Variants in SOS1 observed in about 807,000 individuals in gnomAD.
The protein encoded by SOS1 is son of sevenless homolog 1.
Under a neutral mutation model 157.6 loss-of-function variants are expected in SOS1, and 25 were observed. The ratio of observed to expected loss-of-function variants is 0.16; its 90% CI spans 0.12 to 0.22. The LOEUF (loss-of-function observed/expected upper bound fraction) is 0.22. Among genes scored for constraint, SOS1 ranks in the 10% least tolerant of loss-of-function variants. The pLI is 1.00. For missense variants in SOS1, 1,237 were observed against 1,599.1 expected (o/e 0.77, Z 3.86); for synonymous variants, 528 against 534.0 (o/e 0.99, Z 0.16).
rs1671634981 is a variant in SOS1 at position 39,067,616 on chromosome 2, C to A, written c.213+12G>T. 4 of 1,610,984 alleles carry A rather than the reference C, an allele frequency of 2.5e-6. No individual in the cohort carries two copies. In the South Asian group the frequency reaches 3.3e-5, roughly 13 times the overall value. ...TAGATATAAAGTAAATACAAGACAACATTTGTCATACCTCTACATCTGAAG... is the reference window on the plus strand; with the variant it reads ...TAGATATAAAGTAAATACAAGACAAAATTTGTCATACCTCTACATCTGAAG... On this transcript the variant is annotated intron_variant, in intron 2 of 22. Transcript: ENST00000402219.
At position 39,065,892 on chromosome 2, in the gene SOS1, A is replaced by G. The variant is rs562233014; in HGVS notation, c.213+1736T>C. ...GGAGCTTACATTCTAGTAGGGAAAA[A>G]ACTAATACCATCTTGATGGGATTAT... On this transcript the variant is annotated intron_variant, in intron 2 of 22. Coordinates refer to ENST00000402219, the MANE Select transcript of SOS1 (RefSeq NM_005633.4). 5.7e-4 allele frequency among the ~76,000 whole-genome samples: 87 copies of G among 152,316 alleles called. 1 individual carries two copies. Among genetic ancestry groups the G allele is most frequent in the African/African-American group, 2.0e-3 (85 of 41,564 alleles).
intron 6 of SOS1, among the ~76,000 whole-genome samples, chr2:39,042,826 A>G (rs1024467821): frequency 1.3e-5 from 2 of 150,972 alleles, no homozygotes; most frequent in African/African-American, 4.9e-5. Context: ...AAAATATTAT[A>G]TATTCAATGG....
In SOS1 at chr2:39,005,442, T is replaced by TTGTCC. The variant is rs1669253264; in HGVS notation, c.2791+965_2791+969dup. On this transcript the variant is annotated intron_variant, in intron 17 of 22. Transcript: ENST00000402219. ...ATCACAGGGTAATGGTTAAAACAAA[T>TTGTCC]TGTCCAACTTTATGGAATATTATGC... 2.6e-5 allele frequency among the ~76,000 whole-genome samples: 4 copies of TTGTCC among 152,270 alleles called. No individual in the cohort carries two copies. In the South Asian group the frequency reaches 8.3e-4, roughly 32 times the overall value.
intron 2 of SOS1, 143 bp downstream of exon 2, chr2:39,067,485 C>T: frequency 1.3e-6 from 1 of 789,442 alleles, no homozygotes; most frequent in South Asian, 1.4e-5. Flanking sequence ...ATAAGGGATA[C>T]TCAACCTGTA....
At chr2:39,045,140 A>G (rs1449807353) in intron 6 of SOS1, among the ~76,000 whole-genome samples, 1 of 151,954 alleles carries the variant, frequency 6.6e-6, no homozygotes, top group Non-Finnish European at 1.5e-5. Context: ...AATTATGCTT[A>G]TTTTTCCCCA....
chr2:39,062,428 A>AT lies in SOS1; in HGVS notation c.214-3625_214-3624insA, dbSNP rs1446751193. On this transcript the variant is annotated intron_variant, in intron 2 of 22. Coordinates refer to ENST00000402219, the MANE Select transcript of SOS1 (RefSeq NM_005633.4). ...GGGAGTCTCTGTCTCAAAATAAAAA[A>AT]AAAAATTAAAAAAAAAAAGAAAAGA... 2.2e-3 allele frequency among the ~76,000 whole-genome samples: 321 copies of AT among 145,684 alleles called. 2 individuals are homozygous for AT. Among genetic ancestry groups the AT allele is most frequent in the Middle Eastern group, 0.014 (4 of 290 alleles).
intron 1 of SOS1, among the ~76,000 whole-genome samples, chr2:39,100,867 C>A (rs995239112): frequency 5.3e-5 from 8 of 151,968 alleles, no homozygotes; most frequent in Non-Finnish European, 1.2e-4. Context: ...TGCAGTGAGC[C>A]GAGACTGCAC....
chr2:39,085,502 C>T (rs1672339733), intron 1 of SOS1, among the ~76,000 whole-genome samples: 1 of 152,232 alleles, frequency 6.6e-6, no homozygotes, highest in Admixed American at 6.5e-5. Context: ...TGTCTTTCTA[C>T]TATCTTCACC....
chr2:39,111,212 G>C (rs771534348), intron 1 of SOS1, among the ~76,000 whole-genome samples: 1 of 152,114 alleles, frequency 6.6e-6, no homozygotes, highest in Non-Finnish European at 1.5e-5. Flanking sequence ...CAGCCTGGGA[G>C]ACAGAGCAAG....
In SOS1 at chr2:39,120,402, G is replaced by C. The variant is rs727504845; in HGVS notation, c.21C>G (p.Pro7=). The C allele has an allele frequency of 1.3e-6, 2 of 1,598,578 alleles. No homozygotes were observed. Among genetic ancestry groups the C allele is most frequent in the East Asian group, 2.3e-5 (1 of 43,528 alleles). Residue 7 remains proline (P), a synonymous_variant, in exon 1 of 23, where the codon CCC becomes CCG. Transcript: ENST00000402219. ...CGTTCTCTTCGCTGAAAAACTCGTA[G>C]GGCAGCTGCTGCGCCTGCATGGTGC... The part of the protein sequence containing the change: MQAQQL[P]YEFFSEENAP...
At chr2:39,080,951 T>C (rs1045616918) in intron 1 of SOS1, among the ~76,000 whole-genome samples, 2 of 152,074 alleles carry the variant, frequency 1.3e-5, no homozygotes, top group African/African-American at 4.8e-5. Flanking sequence ...TTTGGAAGGC[T>C]GAGGCAGGTG....
At chr2:39,036,309 G>GGTT (rs1240494931) in intron 6 of SOS1, among the ~76,000 whole-genome samples, 1 of 152,060 alleles carries the variant, frequency 6.6e-6, no homozygotes, top group East Asian at 1.9e-4. Context: ...AACAACGAAA[G>GGTT]GTTGTTATGA....
chr2:39,072,696 A>G (rs1431552721), intron 1 of SOS1, among the ~76,000 whole-genome samples: 1 of 152,196 alleles, frequency 6.6e-6, no homozygotes, highest in East Asian at 1.9e-4. Flanking sequence ...CCAAATAAGA[A>G]CTATTAAATA....
chr2:39,106,695 C>G (rs1201862288), intron 1 of SOS1, among the ~76,000 whole-genome samples: 1 of 152,018 alleles, frequency 6.6e-6, no homozygotes, highest in Admixed American at 6.6e-5. Flanking sequence ...ACTCCCAACT[C>G]CAACAGGAAG....
Position 39,007,145 on chromosome 2 carries a change from A to G in SOS1, c.2559T>C (p.Ser853=), listed in dbSNP as rs1669306595. 1 of 1,605,850 alleles carries G rather than the reference A, an allele frequency of 6.2e-7. No homozygotes were observed. Among genetic ancestry groups the G allele is most frequent in the Admixed American group, 1.7e-5 (1 of 59,970 alleles). Residue 853 remains serine (S), a synonymous_variant, in exon 16 of 23, where the codon AGT becomes AGC. Coordinates refer to ENST00000402219, the MANE Select transcript of SOS1 (RefSeq NM_005633.4). The part of the protein sequence containing the change: ...ENLEERVAVV[S]RIIEILQVFQ... ...AGACTTGTAGAATCTCAATAATTCG[A>G]CTCACCACAGCTACTCTTTCTTCTA... is the stretch of plus-strand genomic sequence containing the variant.
At chr2:39,048,472 C>G (rs1670877079) in intron 6 of SOS1, among the ~76,000 whole-genome samples, 2 of 152,032 alleles carry the variant, frequency 1.3e-5, no homozygotes, top group African/African-American at 4.8e-5. Flanking sequence ...ATGAACTCAG[C>G]TCCCTGCAAC....
chr2:39,119,168 A>C (rs940601042), intron 1 of SOS1, among the ~76,000 whole-genome samples: 4 of 152,240 alleles, frequency 2.6e-5, no homozygotes, highest in African/African-American at 7.2e-5. Context: ...TCTAAGGAGT[A>C]AAGTATGTAA....
chr2:39,058,317 A>G (rs1671285805), intron 3 of SOS1, among the ~76,000 whole-genome samples: 1 of 152,058 alleles, frequency 6.6e-6, no homozygotes, highest in African/African-American at 2.4e-5. Flanking sequence ...ACAAAGTACT[A>G]ACATCAAAAG....
At chr2:39,047,749 C>A (rs1279704948) in intron 6 of SOS1, among the ~76,000 whole-genome samples, 1 of 152,212 alleles carries the variant, frequency 6.6e-6, no homozygotes, top group Non-Finnish European at 1.5e-5. Context: ...TGGCTCACTG[C>A]AACCTCTATC....
Sources: allele counts gnomAD v4.1 joint callset (sites outside exome capture counted in the v4.1 genomes callset), GRCh38; gene constraint gnomAD v4.1.1; transcripts MANE v1.5; gene names NCBI Gene and HGNC (gene_info 2026-07-23, HGNC 2026-07-21).